The following RIC8A variants were observed in gnomAD, a reference collection of about 807,000 sequenced individuals.
RIC8A encodes the protein chaperone Ric-8A.
A neutral mutation model predicts 48.4 loss-of-function variants in RIC8A; 37 were observed. The ratio of observed to expected loss-of-function variants is 0.77; its 90% CI spans 0.59 to 1.01. The LOEUF (loss-of-function observed/expected upper bound fraction) is 1.01, where lower values mean the gene tolerates loss of function less well. RIC8A is among the 50% of genes least tolerant of loss of function. The pLI is 0.00. For synonymous variants in RIC8A, 288 were observed against 283.4 expected (o/e 1.02, Z -0.16); for missense variants, 681 against 696.8 (o/e 0.98, Z 0.25).
chr11:207,750 G>A lies in RIC8A; in HGVS notation c.-1105G>A. The A allele has an allele frequency of 5.5e-6, 1 of 181,266 alleles. No individual in the cohort carries two copies. The highest frequency in any genetic ancestry group is 1.2e-5 in the Non-Finnish European group (1 of 84,412). 11.2% of individuals were successfully genotyped at this position (181,266 alleles called of 1,614,324 possible). ...TGGTGGTGGAAAGACGCTTCTGTGG[G>A]TTAGGTCCTAACGGTTAGGAAGGAT... On this transcript the variant is annotated 5_prime_UTR_variant, in exon 1 of 10. Transcript: ENST00000526104.
In RIC8A at chr11:215,105, G is replaced by A. The variant is rs1855522173; in HGVS notation, c.*755G>A. On this transcript the variant is annotated 3_prime_UTR_variant, in exon 10 of 10. Transcript: ENST00000526104. Reference sequence around the variant, plus strand: ...TCATCTTGAAATAAAGAAGAGTTTTGGACAAAAATGTATGTGTAAATTATC... The same window carrying A: ...TCATCTTGAAATAAAGAAGAGTTTTAGACAAAAATGTATGTGTAAATTATC... 1 of 154,320 alleles carries A rather than the reference G, an allele frequency of 6.5e-6. No homozygotes were observed. Among genetic ancestry groups the A allele is most frequent in the Non-Finnish European group, 1.4e-5 (1 of 69,452 alleles). 9.6% of individuals were successfully genotyped at this position (154,320 alleles called of 1,614,324 possible). A position where few individuals can be genotyped will look rare whatever the true frequency, so the allele number is the denominator to read the frequency against.
At position 211,132 on chromosome 11, in the gene RIC8A, G is replaced by C; in HGVS notation, c.819-67G>C. On this transcript the variant is annotated intron_variant, in intron 4 of 9. Transcript: ENST00000526104. The surrounding 1 kb of genome is among the most constrained non-coding windows in gnomAD (Gnocchi z 4.0). ...CTCATGTAATGTGTGGTTCAGCGGA[G>C]TCACAAAGATTGCACCTGTGCTCAG... The C allele has an allele frequency of 6.6e-7, 1 of 1,519,100 alleles. No homozygotes were observed. The highest frequency in any genetic ancestry group is 8.9e-7 in the Non-Finnish European group (1 of 1,117,510). 94.1% of individuals were successfully genotyped at this position (1,519,100 alleles called of 1,614,324 possible). A position where few individuals can be genotyped will look rare whatever the true frequency, so the allele number is the denominator to read the frequency against.
chr11:211,340 T>C lies in RIC8A; in HGVS notation c.960T>C (p.Arg320=), dbSNP rs1228569928. 1.2e-6 allele frequency: 2 copies of C among 1,613,554 alleles called. No individual in the cohort carries two copies. The highest frequency in any genetic ancestry group is 1.7e-6 in the Non-Finnish European group (2 of 1,179,742). The change falls in exon 5 of 10, where the codon CGT becomes CGC. Residue 320 remains arginine (R), a synonymous_variant. Transcript: ENST00000526104. The surrounding 1 kb of genome is among the most constrained non-coding windows in gnomAD (Gnocchi z 4.0). ...CCCTCCTCATCTTCCTAGAGAAGCG[T>C]TTGCACAAGGTAGGCTGGGGATGGC... The part of the protein sequence containing the change: ...IRALLIFLEK[R]LHKTHRLKES...
chr11:212,787 C>T (rs775855526), intron 7 of RIC8A, 28 bp downstream of exon 7: 35 of 1,612,564 alleles, frequency 2.2e-5, no homozygotes, highest in Non-Finnish European at 2.8e-5. Context: ...AGGTCCCAGC[C>T]CACCCCACCT....
chr11:212,431 G>A lies in RIC8A; in HGVS notation c.985G>A (p.Glu329Lys), dbSNP rs1401709608. The A allele has an allele frequency of 2.5e-6, 4 of 1,613,788 alleles. No homozygotes were observed. ...TCCTCTACAGACACACAGGCTGAAG[G>A]AGAGTGTAGCTCCCGTGCTGAGCGT... Reference protein sequence around the residue: ...KRLHKTHRLKESVAPVLSVLT... With the variant: ...KRLHKTHRLKKSVAPVLSVLT... The change falls in exon 6 of 10, where the codon GAG becomes AAG. Residue 329 changes from glutamate to lysine, a missense_variant. Transcript: ENST00000526104.
intron 8 of RIC8A, 130 bp from the exon 9 acceptor site, chr11:213,169 G>T: frequency 7.0e-7 from 1 of 1,428,162 alleles, no homozygotes; most frequent in Middle Eastern, 2.0e-4. Flanking sequence ...GGTTACCTGT[G>T]CCGCTTCTGG....
chr11:208,680 CGCGCCCCCTTAAAGCGCCACCAGACGCT>C lies in RIC8A; in HGVS notation c.-167_-140del. On this transcript the variant is annotated 5_prime_UTR_variant, in exon 1 of 10. Coordinates refer to ENST00000526104, the MANE Select transcript of RIC8A (RefSeq NM_001286134.2). The surrounding 1 kb of genome is among the most constrained non-coding windows in gnomAD (Gnocchi z 4.8). ...CCGAGCCGCCAGTTCTGCCTCAGGC[CGCGCCCCCTTAAAGCGCCACCAGACGCT>C]GCGCCCCGTTAAAGCGCCACCAGAC... 7.8e-6 allele frequency: 4 copies of C among 513,812 alleles called. No individual in the cohort carries two copies. The highest frequency in any genetic ancestry group is 2.8e-5 in the South Asian group (1 of 35,850). 31.8% of individuals were successfully genotyped at this position (513,812 alleles called of 1,614,324 possible).
chr11:212,922 G>A lies in RIC8A; in HGVS notation c.1296G>A (p.Glu432=). Residue 432 remains glutamate (E), a synonymous_variant, in exon 8 of 10, where the codon GAG becomes GAA. Coordinates refer to ENST00000526104, the MANE Select transcript of RIC8A (RefSeq NM_001286134.2). ...GCCTCATGGCAGGAGGCCGGCCCGA[G>A]GGCCAGTACTCAGAGGATGAGGACA... The part of the protein sequence containing the change: ...ARGLMAGGRP[E]GQYSEDEDTD... 1 of 1,600,848 alleles carries A rather than the reference G, an allele frequency of 6.2e-7. No individual in the cohort carries two copies. The highest frequency in any genetic ancestry group is 8.5e-7 in the Non-Finnish European group (1 of 1,173,494).
rs1321722744 is a variant in RIC8A, at chr11:210,607, C to T, written c.763C>T (p.Leu255Phe). Residue 255 changes from leucine (L) to phenylalanine (F), a missense_variant, in exon 4 of 10, where the codon CTC becomes TTC. By Grantham distance (22) the Leu-to-Phe change is conservative. Transcript: ENST00000526104. ...CCTTTACCGACACCTGGGGACCCTTCTCCGGCACTGTGTGATGATCGCTAC... is the reference window on the plus strand; with the variant it reads ...CCTTTACCGACACCTGGGGACCCTTTTCCGGCACTGTGTGATGATCGCTAC... The part of the protein sequence containing the change: ...AALYRHLGTL[L>F]RHCVMIATAG... The T allele has an allele frequency of 6.2e-7, 1 of 1,614,058 alleles. No individual in the cohort carries two copies. The highest frequency in any genetic ancestry group is 8.5e-7 in the Non-Finnish European group (1 of 1,180,038).
At position 214,200 on chromosome 11, in the gene RIC8A, C is replaced by T. The variant is rs757256638; in HGVS notation, c.1476-30C>T. 24 of 1,607,798 alleles carry T rather than the reference C, an allele frequency of 1.5e-5. No individual in the cohort carries two copies. The South Asian group carries it at 2.4e-4, about 16-fold the overall frequency. ...CCCTGCCTGGCCAACTGGGCCCCTTCCCCAGCCCCACTGCACCTTTCCCCA... is the reference window on the plus strand; with the variant it reads ...CCCTGCCTGGCCAACTGGGCCCCTTTCCCAGCCCCACTGCACCTTTCCCCA... On this transcript the variant is annotated intron_variant, in intron 9 of 9. Coordinates refer to ENST00000526104, the MANE Select transcript of RIC8A (RefSeq NM_001286134.2).
intron 5 of RIC8A, 110 bp from the exon 6 acceptor site, chr11:212,306 A>T: frequency 9.1e-7 from 1 of 1,097,980 alleles, no homozygotes; most frequent in Non-Finnish European, 1.3e-6. Flanking sequence ...CTCTGCCGCC[A>T]GGACCAGCTG....
At position 209,895 on chromosome 11, in the gene RIC8A, C is replaced by T. The variant is rs1855303608; in HGVS notation, c.621C>T (p.Asn207=). ...CGCTGGGGGTGACTCCTGAAGGGAA[C>T]CCCCCACCCACGCTCCTTCCTTCCC... ...ELTLGVTPEG[N]PPPTLLPSQE... The change falls in exon 3 of 10, where the codon AAC becomes AAT. Residue 207 remains asparagine, a synonymous_variant. Coordinates refer to ENST00000526104, the MANE Select transcript of RIC8A (RefSeq NM_001286134.2). 1 of 707,838 alleles carries T rather than the reference C, an allele frequency of 1.4e-6. No individual in the cohort carries two copies. Among genetic ancestry groups the T allele is most frequent in the Non-Finnish European group, 1.9e-6 (1 of 535,376 alleles). 43.8% of individuals were successfully genotyped at this position (707,838 alleles called of 1,614,324 possible).
At position 209,870 on chromosome 11, in the gene RIC8A, C is replaced by G; in HGVS notation, c.596C>G (p.Thr199Arg). 6.2e-7 allele frequency: 1 copy of G among 1,610,262 alleles called. No homozygotes were observed. The highest frequency in any genetic ancestry group is 1.1e-5 in the South Asian group (1 of 90,930). Residue 199 changes from threonine to arginine, a missense_variant, in exon 3 of 10, where the codon ACG becomes AGG. Thr to Arg is a moderately conservative substitution (Grantham distance 71, BLOSUM62 -1). Coordinates refer to ENST00000526104, the MANE Select transcript of RIC8A (RefSeq NM_001286134.2). Reference sequence around the variant, plus strand: ...CTGCTAACTGACACACTGGAGCTGACGCTGGGGGTGACTCCTGAAGGGAAC... The same window carrying G: ...CTGCTAACTGACACACTGGAGCTGAGGCTGGGGGTGACTCCTGAAGGGAAC... ...VRLLTDTLEL[T>R]LGVTPEGNPP...
intron 5 of RIC8A, chr11:212,043 C>T (rs552130870): frequency 6.0e-4 from 165 of 276,986 alleles, no homozygotes; most frequent in Admixed American, 3.1e-3. Flanking sequence ...ATTCGGTTCT[C>T]GTTTCTTTTT....
At chr11:213,004 C>G in intron 8 of RIC8A, 23 bp downstream of exon 8, 1 of 1,530,706 alleles carries the variant, frequency 6.5e-7, no homozygotes, top group East Asian at 2.3e-5. Flanking sequence ...AACACACCCT[C>G]GGGTCTCCAC....
intron 3 of RIC8A, chr11:210,265 A>C (rs1330348493): frequency 3.0e-6 from 2 of 673,346 alleles, no homozygotes; most frequent in Non-Finnish European, 5.4e-6. Context: ...GAGATCCTCC[A>C]CCATGAGGCT....
In RIC8A at chr11:208,782, G is replaced by A. The variant is rs1299827036; in HGVS notation, c.-73G>A. The A allele has an allele frequency of 2.3e-6, 3 of 1,311,136 alleles. No homozygotes were observed. The highest frequency in any genetic ancestry group is 1.5e-5 in the African/African-American group (1 of 65,258). 81.2% of individuals were successfully genotyped at this position (1,311,136 alleles called of 1,614,324 possible). A position where few individuals can be genotyped will look rare whatever the true frequency, so the allele number is the denominator to read the frequency against. On this transcript the variant is annotated 5_prime_UTR_variant, in exon 1 of 10. Coordinates refer to ENST00000526104, the MANE Select transcript of RIC8A (RefSeq NM_001286134.2). The surrounding 1 kb of genome is among the most constrained non-coding windows in gnomAD (Gnocchi z 4.8). Reference sequence around the variant, plus strand: ...CCGCGCGCTGGCGCGGGGCTTTCTGGGCCAGGGCGGGGCCGGCGAACTGCG... The same window carrying A: ...CCGCGCGCTGGCGCGGGGCTTTCTGAGCCAGGGCGGGGCCGGCGAACTGCG...
chr11:210,325 G>C, intron 3 of RIC8A: 1 of 696,770 alleles, frequency 1.4e-6, no homozygotes, highest in Non-Finnish European at 2.6e-6. Flanking sequence ...GTATGTGTTA[G>C]CATTCCTAAT....
At position 212,706 on chromosome 11, in the gene RIC8A, C is replaced by T; in HGVS notation, c.1157C>T (p.Thr386Ile). The T allele has an allele frequency of 6.2e-7, 1 of 1,614,112 alleles. No individual in the cohort carries two copies. The highest frequency in any genetic ancestry group is 8.5e-7 in the Non-Finnish European group (1 of 1,180,042). ...KLVRLMTHLDTDVKRVAAEFL... is the reference protein window; with the variant it reads ...KLVRLMTHLDIDVKRVAAEFL... Reference sequence around the variant, plus strand: ...GTCCGCCTCATGACACACCTGGACACAGATGTGAAGAGGGTGGCTGCCGAG... The same window carrying T: ...GTCCGCCTCATGACACACCTGGACATAGATGTGAAGAGGGTGGCTGCCGAG... Residue 386 changes from threonine (T) to isoleucine (I), a missense_variant, in exon 7 of 10, where the codon ACA becomes ATA. Transcript: ENST00000526104.
Sources: allele counts gnomAD v4.1 joint callset, GRCh38; gene constraint gnomAD v4.1.1; non-coding constraint Gnocchi (gnomAD v3.1); transcripts MANE v1.5; gene names NCBI Gene and HGNC (gene_info 2026-07-23, HGNC 2026-07-21).